The following UPF2 variants were observed in gnomAD, a reference collection of about 807,000 sequenced individuals.
UPF2 encodes the protein UPF2 regulator of nonsense mediated mRNA decay, also known as regulator of nonsense transcripts 2.
UPF2 carries 17 observed loss-of-function variants against 141.4 expected under a neutral mutation model. The ratio of observed to expected loss-of-function variants is 0.12; its 90% CI spans 0.08 to 0.18. UPF2 has a LOEUF of 0.18. UPF2 is among the 10% of genes least tolerant of loss of function. The pLI is 1.00. For synonymous variants in UPF2, 540 were observed against 498.0 expected (o/e 1.08, Z -1.12); for missense variants, 1,152 against 1,515.9 (o/e 0.76, Z 3.99).
Position 11,940,043 on chromosome 10 carries a change from A to G in UPF2, c.3378+2622T>C, listed in dbSNP as rs1832918301. ...TTTATGGAAAAATAATATCTCTAGG[A>G]TACTGCATCCTCCTATGACATTCTC... On this transcript the variant is annotated intron_variant, in intron 18 of 21. Coordinates refer to ENST00000357604, the MANE Select transcript of UPF2 (RefSeq NM_015542.4). This position sits in a 1 kb window ranked among gnomAD's most constrained non-coding sequence, Gnocchi z 4.2. Among the ~76,000 whole-genome samples, 1 of 152,182 alleles carries G rather than the reference A, an allele frequency of 6.6e-6. No individual in the cohort carries two copies. Among genetic ancestry groups the G allele is most frequent in the Non-Finnish European group, 1.5e-5 (1 of 68,038 alleles).
In UPF2 at chr10:11,959,317, C is replaced by T. The variant is rs993421292; in HGVS notation, c.2224G>A (p.Ala742Thr). The T allele has an allele frequency of 3.1e-6, 5 of 1,591,180 alleles. No individual in the cohort carries two copies. The highest frequency in any genetic ancestry group is 1.9e-5 in the Admixed American group (1 of 52,766). ...MRKKQAMHLD[A>T]RYVTMVENAY... is the part of the protein sequence containing the mutation. ...TTCTCTACCATTGTGACGTATCTCG[C>T]ATCAAGATGCATTGCTTGCTTCTTT... Residue 742 changes from alanine to threonine, a missense_variant, in exon 12 of 22, where the codon GCG becomes ACG. Physicochemically the swap from Ala to Thr is moderately conservative, Grantham distance 58 (BLOSUM62 0). Coordinates refer to ENST00000357604, the MANE Select transcript of UPF2 (RefSeq NM_015542.4). The surrounding 1 kb of genome is among the most constrained non-coding windows in gnomAD (Gnocchi z 5.9).
chr10:11,947,947 A>G (rs991074585), intron 16 of UPF2, among the ~76,000 whole-genome samples: 11 of 152,000 alleles, frequency 7.2e-5, no homozygotes, highest in Admixed American at 5.2e-4. Context: ...TACATTTACT[A>G]TAATAAAACT....
intron 16 of UPF2, among the ~76,000 whole-genome samples, chr10:11,947,988 C>T (rs1353387796): frequency 6.6e-6 from 1 of 151,720 alleles, no homozygotes; most frequent in Non-Finnish European, 1.5e-5. Flanking sequence ...TGGCTCATGC[C>T]TGCAATTCCA....
At chr10:12,032,181 C>A (rs1834536096) in intron 2 of UPF2, among the ~76,000 whole-genome samples, 1 of 151,834 alleles carries the variant, frequency 6.6e-6, no homozygotes, top group South Asian at 2.1e-4. Flanking sequence ...GTAATCCCAG[C>A]TACTCGGGAG....
At chr10:11,930,829 G>A (rs1159792715) in intron 20 of UPF2, among the ~76,000 whole-genome samples, 1 of 152,274 alleles carries the variant, frequency 6.6e-6, no homozygotes. Context: ...CTACAAGTGA[G>A]ATTAAAAGAT....
intron 8 of UPF2, among the ~76,000 whole-genome samples, chr10:11,991,371 A>G (rs1318857590): frequency 6.6e-6 from 1 of 152,222 alleles, no homozygotes; most frequent in East Asian, 1.9e-4. Context: ...CACAGTCAAC[A>G]TATGCATCAT....
At chr10:12,036,686 T>G (rs946399367) in intron 1 of UPF2, among the ~76,000 whole-genome samples, 28 of 152,368 alleles carry the variant, frequency 1.8e-4, no homozygotes, top group African/African-American at 6.5e-4. Context: ...TTAGGCATGG[T>G]GTTTCACGTT....
At chr10:12,021,802 C>T (rs1284732350) in intron 3 of UPF2, among the ~76,000 whole-genome samples, 8 of 152,110 alleles carry the variant, frequency 5.3e-5, no homozygotes, top group Non-Finnish European at 7.4e-5. Context: ...GGTTTTATAT[C>T]TCCTCCAGCA....
chr10:12,004,245 T>C (rs1833998507), intron 5 of UPF2, among the ~76,000 whole-genome samples: 1 of 152,198 alleles, frequency 6.6e-6, no homozygotes, highest in Non-Finnish European at 1.5e-5. Context: ...GGGGGAAATG[T>C]GCATCTTACC....
chr10:11,937,045 C>T (rs1204461061), intron 18 of UPF2, among the ~76,000 whole-genome samples: 1 of 152,220 alleles, frequency 6.6e-6, no homozygotes, highest in Non-Finnish European at 1.5e-5. Context: ...TTCTATTCAT[C>T]CTCCTAGATC....
chr10:11,927,980 A>T (rs556689732), intron 21 of UPF2, among the ~76,000 whole-genome samples: 26 of 152,286 alleles, frequency 1.7e-4, no homozygotes, highest in Non-Finnish European at 3.5e-4. Flanking sequence ...CCTGCTCCCA[A>T]CAACAAAGTG....
intron 12 of UPF2, among the ~76,000 whole-genome samples, chr10:11,958,509 C>G (rs1337958562): frequency 6.6e-6 from 1 of 152,234 alleles, no homozygotes; most frequent in Non-Finnish European, 1.5e-5. Context: ...ACTGAGGAAG[C>G]TGGTTTCAAT....
At chr10:11,984,237 C>T (rs1174845710) in intron 8 of UPF2, among the ~76,000 whole-genome samples, 2 of 152,052 alleles carry the variant, frequency 1.3e-5, no homozygotes, top group East Asian at 1.9e-4. Context: ...TAACTTTTAA[C>T]GCTTTCTTCC....
chr10:11,996,754 C>T (rs575406142), intron 8 of UPF2, among the ~76,000 whole-genome samples: 2 of 152,280 alleles, frequency 1.3e-5, no homozygotes, highest in Non-Finnish European at 2.9e-5. Context: ...CCTTGCCCCA[C>T]TAAAATGAAT....
At chr10:11,925,390 C>A (rs534631056) in intron 21 of UPF2, among the ~76,000 whole-genome samples, 1 of 152,178 alleles carries the variant, frequency 6.6e-6, no homozygotes, top group East Asian at 1.9e-4. Flanking sequence ...AAAAGAAAAA[C>A]AGAGGGAAGA....
chr10:11,996,859 G>C (rs1036562400), intron 8 of UPF2, among the ~76,000 whole-genome samples: 5 of 152,148 alleles, frequency 3.3e-5, no homozygotes, highest in Non-Finnish European at 7.3e-5. Flanking sequence ...AAGAGATCAT[G>C]GGCCTCCATC....
At chr10:11,983,668 G>T in intron 8 of UPF2, among the ~76,000 whole-genome samples, 1 of 152,056 alleles carries the variant, frequency 6.6e-6, no homozygotes, top group Middle Eastern at 3.4e-3. Context: ...CACCGTGCCC[G>T]GCCTTGGATT....
At chr10:12,002,229 C>A (rs181471397) in intron 5 of UPF2, among the ~76,000 whole-genome samples, 1 of 152,160 alleles carries the variant, frequency 6.6e-6, no homozygotes, top group African/African-American at 2.4e-5. Flanking sequence ...CGAGAGAGCA[C>A]CACTGCACTT....
At chr10:12,037,909 T>C (rs1024649846) in intron 1 of UPF2, among the ~76,000 whole-genome samples, 2 of 152,308 alleles carry the variant, frequency 1.3e-5, no homozygotes, top group Non-Finnish European at 2.9e-5. Flanking sequence ...TGCAGGTACA[T>C]GCCACAGCCT....
Sources: gnomAD v4.1 joint callset for allele counts (sites outside exome capture counted in the v4.1 genomes callset) on GRCh38, gnomAD v4.1.1 for gene constraint, Gnocchi (gnomAD v3.1) non-coding constraint, MANE v1.5 for transcripts, NCBI Gene and HGNC (gene_info 2026-07-23, HGNC 2026-07-21) for gene names.